CD276: variants seen among roughly 807,000 people sequenced by gnomAD.
CD276 encodes CD276 antigen.
CD276 carries 34 observed loss-of-function variants against 50.0 expected under a neutral mutation model. The ratio of observed to expected loss-of-function variants is 0.68; its 90% CI spans 0.52 to 0.91. The LOEUF is 0.91. Among genes scored for constraint, CD276 ranks in the 40% least tolerant of loss-of-function variants. The pLI is 0.00. For synonymous variants in CD276, 275 were observed against 313.0 expected (o/e 0.88, Z 1.28); for missense variants, 634 against 717.5 (o/e 0.88, Z 1.33).
intron 1 of CD276, among the ~76,000 whole-genome samples, chr15:73,695,873 AG>A (rs1900154041): frequency 6.6e-6 from 1 of 152,140 alleles, no homozygotes; most frequent in South Asian, 2.1e-4. Flanking sequence ...GGGAGGAAGT[AG>A]GGGGTTAGGA....
intron 1 of CD276, among the ~76,000 whole-genome samples, chr15:73,688,239 C>T (rs772520517): frequency 4.6e-5 from 7 of 151,754 alleles, no homozygotes; most frequent in Non-Finnish European, 7.4e-5. Flanking sequence ...GCAAAGTGTT[C>T]GCTCAGTGCA....
At chr15:73,709,215 T>A (rs1335604802) in intron 7 of CD276, among the ~76,000 whole-genome samples, 1 of 146,718 alleles carries the variant, frequency 6.8e-6, no homozygotes, top group Non-Finnish European at 1.5e-5. Context: ...GGTGAGGTGA[T>A]GGGTGGGTGG....
At chr15:73,701,208 C>A (rs563693281) in intron 2 of CD276, among the ~76,000 whole-genome samples, 3 of 151,912 alleles carry the variant, frequency 2.0e-5, no homozygotes, top group Admixed American at 2.0e-4. Context: ...CTGTTGATTC[C>A]CTCCTAAATA....
At chr15:73,693,305 G>T (rs1900053540) in intron 1 of CD276, among the ~76,000 whole-genome samples, 1 of 152,106 alleles carries the variant, frequency 6.6e-6, no homozygotes, top group African/African-American at 2.4e-5. Flanking sequence ...ACAGTCAAAA[G>T]AGTACTTCAA....
intron 1 of CD276, among the ~76,000 whole-genome samples, chr15:73,694,616 AG>A (rs1481351493): frequency 6.6e-6 from 1 of 151,918 alleles, no homozygotes; most frequent in African/African-American, 2.4e-5. Flanking sequence ...TGCCGTCCTC[AG>A]GGTGTTGCCT....
Position 73,702,959 on chromosome 15 carries a change from T to A in CD276, c.606T>A (p.Phe202Leu), listed in dbSNP as rs764845228. 10 of 1,614,162 alleles carry A rather than the reference T, an allele frequency of 6.2e-6. 1 individual carries two copies. The South Asian group carries it at 9.9e-5, about 16-fold the overall frequency. Residue 202 changes from phenylalanine (F) to leucine (L), a missense_variant, in exon 4 of 10, where the codon TTT (phenylalanine) becomes TTA (leucine). Transcript: ENST00000318443. ...AGATGGCCAACGAGCAGGGCTTGTT[T>A]GATGTGCACAGCATCCTGCGGGTGG... is the stretch of plus-strand genomic sequence containing the variant. ...TSQMANEQGL[F>L]DVHSILRVVL...
At position 73,713,651 on chromosome 15, in the gene CD276, G is replaced by A. The variant is rs1401007329; in HGVS notation, c.*695G>A. The A allele has an allele frequency of 2.6e-6, 1 of 388,016 alleles. No individual in the cohort carries two copies. Among genetic ancestry groups the A allele is most frequent in the Non-Finnish European group, 4.9e-6 (1 of 202,056 alleles). 24.0% of individuals were successfully genotyped at this position (388,016 alleles called of 1,614,324 possible). On this transcript the variant is annotated 3_prime_UTR_variant, in exon 10 of 10. Transcript: ENST00000318443. ...TGCATGGAGACCTGCAGGTGCACGT[G>A]CTGGAACACGTGTGGTTCCCCCCTG...
At position 73,702,279 on chromosome 15, in the gene CD276, A is replaced by G. The variant is rs1900423911; in HGVS notation, c.104A>G (p.Glu35Gly). ...LTGALEVQVP[E>G]DPVVALVGTD... The stretch of plus-strand genomic sequence containing the variant: ...GGAGCCCTGGAGGTCCAGGTCCCTG[A>G]AGACCCAGTGGTGGCACTGGTGGGC... Residue 35 changes from glutamate to glycine, a missense_variant, in exon 3 of 10, where the codon GAA becomes GGA. Glu to Gly is a moderately conservative substitution (Grantham distance 98). Coordinates refer to ENST00000318443, the MANE Select transcript of CD276 (RefSeq NM_001024736.2). 13 of 1,611,822 alleles carry G rather than the reference A, an allele frequency of 8.1e-6. No individual in the cohort carries two copies. Among genetic ancestry groups the G allele is most frequent in the Non-Finnish European group, 1.0e-5 (12 of 1,179,258 alleles).
rs1382481474 is a variant in CD276, at chr15:73,702,997, A to G, written c.644A>G (p.Asn215Ser). ...HSILRVVLGA[N>S]GTYSCLVRNP... ...ATCCTGCGGGTGGTGCTGGGTGCAA[A>G]TGGCACCTACAGCTGCCTGGTGCGC... Residue 215 changes from asparagine (N) to serine (S), a missense_variant, in exon 4 of 10, where the codon AAT (asparagine) becomes AGT (serine). Asn to Ser is a conservative substitution (Grantham distance 46, BLOSUM62 1). Coordinates refer to ENST00000318443, the MANE Select transcript of CD276 (RefSeq NM_001024736.2). The G allele has an allele frequency of 1.2e-6, 2 of 1,614,080 alleles. No individual in the cohort carries two copies. The highest frequency in any genetic ancestry group is 1.7e-5 in the Admixed American group (1 of 60,022).
At chr15:73,690,328 G>C (rs1899938433) in intron 1 of CD276, among the ~76,000 whole-genome samples, 1 of 152,198 alleles carries the variant, frequency 6.6e-6, no homozygotes, top group African/African-American at 2.4e-5. Flanking sequence ...TGAATGACAG[G>C]GTCCTTCTTA....
Position 73,685,340 on chromosome 15 carries a change from G to T in CD276, c.-55+880G>T, listed in dbSNP as rs111331899. Among the ~76,000 whole-genome samples, 228 of 152,236 alleles carry T rather than the reference G, an allele frequency of 1.5e-3. 2 individuals carry two copies. Among genetic ancestry groups the T allele is most frequent in the African/African-American group, 4.4e-3 (183 of 41,530 alleles). ...TTGGCAGGTTTGGCAGCCTAAGGCAGGGGATTTATTTCTAAGCCAAACCTG... is the reference window on the plus strand; with the variant it reads ...TTGGCAGGTTTGGCAGCCTAAGGCATGGGATTTATTTCTAAGCCAAACCTG... On this transcript the variant is annotated intron_variant, in intron 1 of 9. Coordinates refer to ENST00000318443, the MANE Select transcript of CD276 (RefSeq NM_001024736.2).
intron 7 of CD276, 116 bp downstream of exon 7, chr15:73,708,589 G>A: frequency 8.0e-7 from 1 of 1,247,514 alleles, no homozygotes; most frequent in Non-Finnish European, 1.1e-6. Context: ...GTGTGTGTGT[G>A]CAGATGGGGC....
rs1347720877 is a variant in CD276 at position 73,709,687 on chromosome 15, CAG to C, written c.1545_1546del (p.Ala516ProfsTer8). 4 of 1,612,266 alleles carry C rather than the reference CAG, an allele frequency of 2.5e-6. No homozygotes were observed. Among genetic ancestry groups the C allele is most frequent in the Non-Finnish European group, 3.4e-6 (4 of 1,179,330 alleles). On this transcript the variant is annotated frameshift_variant and splice_region_variant, in exon 8 of 10. Transcript: ENST00000318443. LOFTEE classifies it high-confidence loss of function. ...GATGGGGAGGGAGAAGGCTCCAAGA[CAG>C]GTGAGTCTGAACTTGGAGCTGGCCC...
chr15:73,709,393 T>C (rs1480305819), intron 7 of CD276, among the ~76,000 whole-genome samples: 3 of 148,556 alleles, frequency 2.0e-5, no homozygotes, highest in Admixed American at 1.3e-4. Context: ...GCTGGGTGAG[T>C]GGTGGGGGCG....
Position 73,713,034 on chromosome 15 carries a change from G to T in CD276, c.*78G>T. On this transcript the variant is annotated 3_prime_UTR_variant, in exon 10 of 10. Transcript: ENST00000318443. ...GCAATGGGGCTGCACTGTGAGCCCT[G>T]CCCCCAACAGATGCATCCTGCTCTG... is the stretch of plus-strand genomic sequence containing the variant. 2.2e-6 allele frequency: 3 copies of T among 1,342,064 alleles called. No individual in the cohort carries two copies. In the South Asian group the frequency reaches 3.7e-5, roughly 17 times the overall value. The allele number at this position is 1,342,064 out of a possible 1,614,324, so 83.1% of individuals were successfully genotyped here.
At chr15:73,701,230 T>C (rs12593558) in intron 2 of CD276, among the ~76,000 whole-genome samples, 65,249 of 151,496 alleles carry the variant, frequency 0.43, 14,435 homozygotes, top group East Asian at 0.48. Flanking sequence ...ACCTTGAATC[T>C]GATCCCTCTC....
chr15:73,704,171 T>A lies in CD276; in HGVS notation c.1073-5T>A. The A allele has an allele frequency of 6.2e-7, 1 of 1,609,762 alleles. No homozygotes were observed. Reference sequence around the variant, plus strand: ...CCCTTGACCCCTGCCCTCTGTCACCTCCAGCTCCCTACTCGAAGCCCAGCA... The same window carrying A: ...CCCTTGACCCCTGCCCTCTGTCACCACCAGCTCCCTACTCGAAGCCCAGCA... On this transcript the variant is annotated splice_region_variant and splice_polypyrimidine_tract_variant and intron_variant, in intron 5 of 9. Coordinates refer to ENST00000318443, the MANE Select transcript of CD276 (RefSeq NM_001024736.2). The surrounding 1 kb of genome is among the most constrained non-coding windows in gnomAD (Gnocchi z 4.1).
intron 6 of CD276, among the ~76,000 whole-genome samples, chr15:73,705,251 G>A (rs1411094078): frequency 6.6e-6 from 1 of 152,144 alleles, no homozygotes; most frequent in African/African-American, 2.4e-5. Context: ...GCACAGTGAG[G>A]TCAGGACAGC....
intron 1 of CD276, among the ~76,000 whole-genome samples, chr15:73,690,497 C>A (rs1426737382): frequency 6.6e-6 from 1 of 152,202 alleles, no homozygotes; most frequent in Non-Finnish European, 1.5e-5. Context: ...GTTCTGGAGA[C>A]TGGGAAGTCC....
Sources: allele counts gnomAD v4.1 joint callset (sites outside exome capture counted in the v4.1 genomes callset), GRCh38; gene constraint gnomAD v4.1.1; non-coding constraint Gnocchi (gnomAD v3.1); transcripts MANE v1.5; gene names NCBI Gene and HGNC (gene_info 2026-07-23, HGNC 2026-07-21).